TPO: variants seen among roughly 807,000 people sequenced by gnomAD.
TPO encodes the protein thyroid peroxidase.
Under a neutral mutation model 96.9 loss-of-function variants are expected in TPO, and 78 were observed. That is an observed-to-expected ratio of 0.81 (90% CI 0.67 to 0.97). The LOEUF is 0.97. Ranked by LOEUF, TPO falls within the 50% of genes least tolerant of loss-of-function variation. The pLI is 0.00. For missense variants in TPO, 1,252 were observed against 1,274.8 expected (o/e 0.98, Z 0.27); for synonymous variants, 547 against 538.0 (o/e 1.02, Z -0.23).
chr2:1,475,361 C>G (rs1396510152), intron 7 of TPO, among the ~76,000 whole-genome samples: 1 of 151,876 alleles, frequency 6.6e-6, no homozygotes, highest in Non-Finnish European at 1.5e-5. Flanking sequence ...CCCAAGTACT[C>G]ACCTCGTCTA....
intron 3 of TPO, among the ~76,000 whole-genome samples, chr2:1,424,173 G>A (rs944226221): frequency 7.2e-5 from 11 of 152,194 alleles, no homozygotes; most frequent in African/African-American, 2.7e-4. Context: ...CAATCAATAC[G>A]TGTCAGATTT....
intron 1 of TPO, among the ~76,000 whole-genome samples, chr2:1,383,051 G>T (rs1370078869): frequency 6.6e-6 from 1 of 151,986 alleles, no homozygotes; most frequent in African/African-American, 2.4e-5. Context: ...CAAAGGACAT[G>T]AACTCATCAT....
intron 15 of TPO, among the ~76,000 whole-genome samples, chr2:1,531,147 G>C (rs774116972): frequency 3.8e-5 from 2 of 52,274 alleles, no homozygotes; most frequent in Non-Finnish European, 7.0e-5. Context: ...CCCCCACTGT[G>C]TGCAACCTCC....
intron 3 of TPO, among the ~76,000 whole-genome samples, chr2:1,429,024 A>T (rs1000111673): frequency 2.0e-5 from 3 of 152,172 alleles, no homozygotes. Context: ...TTTTACAAAC[A>T]TGTCAGCCGA....
intron 15 of TPO, among the ~76,000 whole-genome samples, chr2:1,535,299 C>CCCGTA (rs1679351068): frequency 1.5e-5 from 2 of 134,968 alleles, no homozygotes; most frequent in Admixed American, 1.5e-4. Flanking sequence ...TCCTCAAATC[C>CCCGTA]CTGTACTGTG....
chr2:1,516,691 C>T (rs1012953241), intron 14 of TPO, among the ~76,000 whole-genome samples, 192 bp from the exon 15 acceptor site: 2 of 152,218 alleles, frequency 1.3e-5, no homozygotes, highest in Non-Finnish European at 2.9e-5. Context: ...TCCCCACACA[C>T]GTCACATTCG....
chr2:1,435,155 G>T (rs187208348), intron 4 of TPO, among the ~76,000 whole-genome samples: 3 of 152,094 alleles, frequency 2.0e-5, no homozygotes, highest in Admixed American at 6.5e-5. Flanking sequence ...GGATGGTCTC[G>T]ATCTCCTGAC....
chr2:1,496,616 A>C lies in TPO; in HGVS notation c.2237A>C (p.Glu746Ala). 2 of 1,613,774 alleles carry C rather than the reference A, an allele frequency of 1.2e-6. No individual in the cohort carries two copies. The highest frequency in any genetic ancestry group is 1.7e-6 in the Non-Finnish European group (2 of 1,179,952). Reference protein sequence around the residue: ...FPQDDKCGFPESVENGDFVHC... With the variant: ...FPQDDKCGFPASVENGDFVHC... ...ATAGACGACAAGTGTGGCTTCCCAG[A>C]GAGCGTGGAGAATGGGGACTTTGTG... The change falls in exon 13 of 17, where the codon GAG becomes GCG. Residue 746 changes from glutamate (E) to alanine (A), a missense_variant. Physicochemically the swap from Glu to Ala is moderately radical, Grantham distance 107. Transcript: ENST00000329066.
intron 1 of TPO, among the ~76,000 whole-genome samples, chr2:1,375,174 A>G (rs1031324817): frequency 1.3e-5 from 2 of 152,132 alleles, no homozygotes; most frequent in African/African-American, 2.4e-5. Context: ...TTGACCACGC[A>G]TTGCTTAGGG....
rs28991287 is a variant in TPO, at chr2:1,495,925, T to C, written c.2007-64T>C. 9.1e-3 allele frequency: 14,034 copies of C among 1,548,288 alleles called. 1,066 individuals carry two copies. The African/African-American group carries it at 0.17, about 18-fold the overall frequency. ...AGCACACAGCTGTGGGCAGCTGGTC[T>C]TGAGTGCCTGCCCTGGGGGTTCTCC... On this transcript the variant is annotated intron_variant, in intron 11 of 16. Transcript: ENST00000329066.
At position 1,414,529 on chromosome 2, in the gene TPO, C is replaced by T; in HGVS notation, c.94+27C>T. 5 of 1,606,100 alleles carry T rather than the reference C, an allele frequency of 3.1e-6. No homozygotes were observed. In the Middle Eastern group the frequency reaches 5.0e-4, roughly 160 times the overall value. On this transcript the variant is annotated intron_variant, in intron 2 of 16. Coordinates refer to ENST00000329066, the MANE Select transcript of TPO (RefSeq NM_001206744.2). The stretch of plus-strand genomic sequence containing the variant: ...TAAGTAGCAAACACATTGCGGTCTT[C>T]TGGCCTTATAAAGTTATTTTTCACA...
At chr2:1,476,883 C>T (rs1279791337) in intron 7 of TPO, among the ~76,000 whole-genome samples, 1 of 151,624 alleles carries the variant, frequency 6.6e-6, no homozygotes, top group African/African-American at 2.4e-5. Context: ...TGGACCAACC[C>T]CTGCAGCCTC....
At chr2:1,502,786 T>C (rs1026030941) in intron 13 of TPO, among the ~76,000 whole-genome samples, 1 of 152,218 alleles carries the variant, frequency 6.6e-6, no homozygotes, top group African/African-American at 2.4e-5. Flanking sequence ...ACCCTGCTAG[T>C]TGTCATAAGC....
At chr2:1,418,600 T>C (rs10207656) in intron 2 of TPO, among the ~76,000 whole-genome samples, 17,437 of 152,250 alleles carry the variant, frequency 0.11, 1,036 homozygotes, top group Non-Finnish European at 0.14. Context: ...TCTAACGCCC[T>C]GAACAGAATG....
chr2:1,541,973 A>C (rs1397033181), intron 16 of TPO: 7 of 206,572 alleles, frequency 3.4e-5, no homozygotes, highest in Non-Finnish European at 6.9e-5. Flanking sequence ...GCATGGAACC[A>C]AAAGGACCTG....
chr2:1,479,653 G>C (rs1487344078), intron 8 of TPO, among the ~76,000 whole-genome samples: 1 of 152,184 alleles, frequency 6.6e-6, no homozygotes. Flanking sequence ...TTGTAGATTA[G>C]AGACAGTTTA....
chr2:1,430,651 T>G (rs1281843080), intron 3 of TPO, among the ~76,000 whole-genome samples: 3 of 152,238 alleles, frequency 2.0e-5, no homozygotes, highest in Non-Finnish European at 4.4e-5. Flanking sequence ...AGGTGGGCTG[T>G]GTTCAGGGAA....
intron 1 of TPO, among the ~76,000 whole-genome samples, chr2:1,406,694 T>G (rs1293051816): frequency 2.0e-5 from 3 of 152,236 alleles, no homozygotes; most frequent in African/African-American, 7.2e-5. Context: ...TTCACAATAT[T>G]ACCCCTAGAA....
chr2:1,386,924 C>G (rs1661904759), intron 1 of TPO, among the ~76,000 whole-genome samples: 1 of 152,190 alleles, frequency 6.6e-6, no homozygotes. Flanking sequence ...CAAAATCTCT[C>G]AGCATTTGCT....
Sources: gnomAD v4.1 joint callset for allele counts (sites outside exome capture counted in the v4.1 genomes callset) on GRCh38, gnomAD v4.1.1 for gene constraint, MANE v1.5 for transcripts, NCBI Gene and HGNC (gene_info 2026-07-23, HGNC 2026-07-21) for gene names.